The following SLC18B1 variants were observed in gnomAD, a reference collection of about 807,000 sequenced individuals.
The protein encoded by SLC18B1 is MFS-type transporter SLC18B1.
SLC18B1 carries 62 observed loss-of-function variants against 53.9 expected under a neutral mutation model. The observed-to-expected ratio is 1.15, with a 90% confidence interval of 0.94 to 1.42. The LOEUF (loss-of-function observed/expected upper bound fraction) is 1.42. SLC18B1 is among the 40% of genes most tolerant of loss of function. The probability of loss-of-function intolerance (pLI) is 0.00; values close to 1 mark genes in which losing one functional copy is unlikely to be tolerated. For missense variants in SLC18B1, 598 were observed against 547.3 expected (o/e 1.09, Z -0.93); for synonymous variants, 217 against 200.9 (o/e 1.08, Z -0.68).
At position 132,776,422 on chromosome 6, in the gene SLC18B1, A is replaced by T. The variant is rs778761830; in HGVS notation, c.803T>A (p.Leu268Ter). 5.0e-6 allele frequency: 8 copies of T among 1,611,904 alleles called. No individual in the cohort carries two copies. Among genetic ancestry groups the T allele is most frequent in the Non-Finnish European group, 6.8e-6 (8 of 1,178,664 alleles). The change falls in exon 8 of 14, where the codon TTA (leucine) becomes TAA (stop). Residue 268 changes from leucine (L) to a stop codon, truncating the protein, a stop_gained. Transcript: ENST00000275227. LOFTEE classifies it high-confidence loss of function. ...TACTAGTCCCACATATCCAGCTGGT[A>T]AATTGAACTGTAAAAGAAATCCTAT... is the stretch of plus-strand genomic sequence containing the variant. ...LSLFVLEKFN[L>*]PAGYVGLVFL...
At chr6:132,779,117 G>T in intron 7 of SLC18B1, 151 bp downstream of exon 7, 1 of 728,910 alleles carries the variant, frequency 1.4e-6, no homozygotes, top group Non-Finnish European at 2.1e-6. Context: ...TCACAGGGAC[G>T]GTAGAGAGGG....
chr6:132,781,812 A>T (rs529768208), intron 6 of SLC18B1, among the ~76,000 whole-genome samples: 13 of 152,188 alleles, frequency 8.5e-5, no homozygotes, highest in African/African-American at 3.1e-4. Context: ...CAGAAAAGGT[A>T]ATAAAATCAA....
chr6:132,797,619 CAAACAA>C (rs1338295591), intron 1 of SLC18B1, among the ~76,000 whole-genome samples: 112 of 150,296 alleles, frequency 7.5e-4, no homozygotes, highest in Middle Eastern at 6.8e-3. Flanking sequence ...ACAAAACAAA[CAAACAA>C]AAACAAAAAC....
chr6:132,792,217 G>A (rs1259569643), intron 2 of SLC18B1, among the ~76,000 whole-genome samples: 1 of 105,910 alleles, frequency 9.4e-6, no homozygotes, highest in Non-Finnish European at 1.9e-5. Flanking sequence ...GACAGAGCAA[G>A]ACACTGTCAG....
chr6:132,785,118 AGTGTGTGT>A (rs3063220), intron 5 of SLC18B1, among the ~76,000 whole-genome samples: 29 of 143,002 alleles, frequency 2.0e-4, no homozygotes, highest in East Asian at 2.1e-4. Context: ...TCTCTCTCTC[AGTGTGTGT>A]GTGTGTGTGT....
At chr6:132,787,723 G>T (rs11965044) in intron 4 of SLC18B1, 142 bp from the exon 5 acceptor site, 4 of 708,072 alleles carry the variant, frequency 5.6e-6, no homozygotes, top group Non-Finnish European at 8.1e-6. Flanking sequence ...TTTTTTAAAA[G>T]AGTTGCTTTG....
chr6:132,774,450 A>G, intron 8 of SLC18B1, 137 bp from the exon 9 acceptor site: 1 of 602,404 alleles, frequency 1.7e-6, no homozygotes. Flanking sequence ...AAAACTTTAC[A>G]TTTAAAAGAA....
chr6:132,786,761 G>C (rs901717236), intron 5 of SLC18B1, among the ~76,000 whole-genome samples: 4 of 150,220 alleles, frequency 2.7e-5, no homozygotes, highest in Non-Finnish European at 5.9e-5. Context: ...CGTGGGCCCA[G>C]AGAGAGAGAG....
Position 132,787,699 on chromosome 6 carries a change from C to T in SLC18B1, c.354-118G>A, listed in dbSNP as rs1001024323. 6.0e-6 allele frequency: 5 copies of T among 826,694 alleles called. No individual in the cohort carries two copies. In the African/African-American group the frequency reaches 9.0e-5, roughly 15 times the overall value. The allele number at this position is 826,694 out of a possible 1,614,324, so 51.2% of individuals were successfully genotyped here. ...CACTCATGGTTTTTAGAATAAACCG[C>T]TTTAGAATATGATTTTTTTAAAAGA... On this transcript the variant is annotated intron_variant, in intron 4 of 13. Transcript: ENST00000275227.
At chr6:132,789,084 C>T (rs547185057) in intron 4 of SLC18B1, among the ~76,000 whole-genome samples, 15 of 152,134 alleles carry the variant, frequency 9.9e-5, no homozygotes, top group Non-Finnish European at 1.9e-4. Context: ...TATATAAGCT[C>T]TTCCACATTA....
chr6:132,773,719 T>C (rs1781035553), intron 9 of SLC18B1, among the ~76,000 whole-genome samples: 1 of 152,208 alleles, frequency 6.6e-6, no homozygotes, highest in Admixed American at 6.5e-5. Flanking sequence ...CAGGTTACTA[T>C]GTTTTATCCC....
chr6:132,796,451 G>A (rs1256872212), intron 2 of SLC18B1, among the ~76,000 whole-genome samples: 2 of 148,016 alleles, frequency 1.4e-5, no homozygotes, highest in African/African-American at 5.0e-5. Flanking sequence ...AATTGAACCC[G>A]GGAGGCAGAG....
intron 5 of SLC18B1, 100 bp from the exon 6 acceptor site, chr6:132,784,189 T>C (rs1164107656): frequency 1.1e-6 from 1 of 946,524 alleles, no homozygotes; most frequent in Non-Finnish European, 1.4e-6. Flanking sequence ...ATAATTTACA[T>C]ACACACACTC....
intron 5 of SLC18B1, 23 bp downstream of exon 5, chr6:132,787,411 G>A (rs1781403779): frequency 1.3e-6 from 2 of 1,531,122 alleles, no homozygotes; most frequent in Non-Finnish European, 1.7e-6. Context: ...AAGGAAAGTG[G>A]GAAATACTTC....
intron 5 of SLC18B1, 87 bp downstream of exon 5, chr6:132,787,347 G>T: frequency 7.6e-7 from 1 of 1,322,482 alleles, no homozygotes; most frequent in Non-Finnish European, 1.0e-6. Context: ...TGCAAGTATA[G>T]AAGAATGGAC....
chr6:132,773,837 A>C (rs1402538109), intron 9 of SLC18B1, among the ~76,000 whole-genome samples: 1 of 151,938 alleles, frequency 6.6e-6, no homozygotes, highest in East Asian at 1.9e-4. Context: ...ACAGAAAGAA[A>C]AATAGATTTG....
rs1356867363 is a variant in SLC18B1, at chr6:132,769,663, G to T, written c.*607C>A. 1 of 152,184 alleles carries T rather than the reference G, an allele frequency of 6.6e-6. No homozygotes were observed. Among genetic ancestry groups the T allele is most frequent in the Non-Finnish European group, 1.5e-5 (1 of 68,020 alleles). 9.4% of individuals were successfully genotyped at this position (152,184 alleles called of 1,614,324 possible). A position where few individuals can be genotyped will look rare whatever the true frequency, so the allele number is the denominator to read the frequency against. ...GGAAGTTGTAAGTATTGTTATTCTT[G>T]TACTTTTCACACAAACAGAATTTTT... On this transcript the variant is annotated 3_prime_UTR_variant, in exon 14 of 14. Transcript: ENST00000275227.
In SLC18B1 at chr6:132,770,368, A is replaced by G. The variant is rs183575198; in HGVS notation, c.1305-32T>C. The G allele has an allele frequency of 1.2e-3, 1,823 of 1,536,242 alleles. 1 individual carries two copies. The highest frequency in any genetic ancestry group is 1.6e-3 in the Non-Finnish European group (1,743 of 1,109,916). The stretch of plus-strand genomic sequence containing the variant: ...TGAGGGAAAGAAGAGATGAATCTCA[A>G]TATTTCTCATCTTAAAAACAAACAA... On this transcript the variant is annotated intron_variant, in intron 13 of 13. Coordinates refer to ENST00000275227, the MANE Select transcript of SLC18B1 (RefSeq NM_052831.3).
At chr6:132,770,386 A>G (rs1780938555) in intron 13 of SLC18B1, 50 bp from the exon 14 acceptor site, 1 of 1,443,932 alleles carries the variant, frequency 6.9e-7, no homozygotes. Flanking sequence ...CATCTTAAAA[A>G]CAAACAAACA....
Sources: allele counts gnomAD v4.1 joint callset (sites outside exome capture counted in the v4.1 genomes callset), GRCh38; gene constraint gnomAD v4.1.1; transcripts MANE v1.5; gene names NCBI Gene and HGNC (gene_info 2026-07-23, HGNC 2026-07-21).